The following MANEA variants were observed in gnomAD, a reference collection of about 807,000 sequenced individuals.
MANEA encodes the protein mannosidase endo-alpha, also known as glycoprotein endo-alpha-1,2-mannosidase.
Under a neutral mutation model 36.8 loss-of-function variants are expected in MANEA, and 25 were observed. The observed-to-expected ratio is 0.68, with a 90% CI of 0.50 to 0.95. The LOEUF is 0.95. Ranked by LOEUF, MANEA falls within the 40% of genes least tolerant of loss-of-function variation. The pLI, the probability that MANEA is intolerant of heterozygous loss-of-function variation, is 0.00. For missense variants in MANEA, 565 were observed against 558.8 expected, an observed-to-expected ratio of 1.01 and a Z score of -0.11; for synonymous variants, 198 against 188.5, an observed-to-expected ratio of 1.05 and a Z score of -0.41.
At chr6:95,579,092 C>A (rs560804061) in intron 1 of MANEA, among the ~76,000 whole-genome samples, 3 of 152,278 alleles carry the variant, frequency 2.0e-5, no homozygotes, top group East Asian at 3.9e-4. Flanking sequence ...ATTCTGCGGC[C>A]TGGCGCGGTG....
rs989924588 is a variant in MANEA, at chr6:95,606,535, A to G, written c.*130A>G. The stretch of plus-strand genomic sequence containing the variant: ...GTTATATTTAAAAATATTTTTTTAA[A>G]TTCTTTACAGATAATATTATACTTG... On this transcript the variant is annotated 3_prime_UTR_variant, in exon 5 of 5. Coordinates refer to ENST00000358812, the MANE Select transcript of MANEA (RefSeq NM_024641.4). 4 of 464,664 alleles carry G rather than the reference A, an allele frequency of 8.6e-6. No individual in the cohort carries two copies. The highest frequency in any genetic ancestry group is 8.1e-5 in the African/African-American group (4 of 49,358). 28.8% of individuals were successfully genotyped at this position (464,664 alleles called of 1,614,324 possible). A position where few individuals can be genotyped will look rare whatever the true frequency, so the allele number is the denominator to read the frequency against.
In MANEA at chr6:95,608,739, T is replaced by TG. The variant is rs1243035764; in HGVS notation, c.*2335dup. On this transcript the variant is annotated 3_prime_UTR_variant, in exon 5 of 5. Coordinates refer to ENST00000358812, the MANE Select transcript of MANEA (RefSeq NM_024641.4). ...CCCTATAGATACCAAAATCTGCAGA[T>TG]GCTCAAGTCCCTGATATAAACTGGC... 4 of 151,844 alleles carry TG rather than the reference T, an allele frequency of 2.6e-5. No individual in the cohort carries two copies. Among genetic ancestry groups the TG allele is most frequent in the Non-Finnish European group, 5.9e-5 (4 of 67,782 alleles). The allele number at this position is 151,844 out of a possible 1,614,324, so 9.4% of individuals were successfully genotyped here. A position where few individuals can be genotyped will look rare whatever the true frequency, so the allele number is the denominator to read the frequency against.
chr6:95,598,554 G>GT (rs1486069559), intron 3 of MANEA, among the ~76,000 whole-genome samples: 1 of 152,102 alleles, frequency 6.6e-6, no homozygotes, highest in South Asian at 2.1e-4. Flanking sequence ...CTACAGGGTT[G>GT]TTTTTGTTTG....
At chr6:95,579,539 G>A (rs1047107451) in intron 1 of MANEA, among the ~76,000 whole-genome samples, 2 of 151,792 alleles carry the variant, frequency 1.3e-5, no homozygotes, top group Non-Finnish European at 2.9e-5. Flanking sequence ...ATTTATCTCC[G>A]GTGGCTTCAT....
intron 1 of MANEA, among the ~76,000 whole-genome samples, chr6:95,582,700 A>C (rs567761099): frequency 2.5e-3 from 380 of 152,320 alleles, no homozygotes; most frequent in Non-Finnish European, 3.7e-3. Flanking sequence ...CCATATGGTA[A>C]TATTTTACCA....
At chr6:95,589,119 A>C (rs1212686470) in intron 2 of MANEA, among the ~76,000 whole-genome samples, 4 of 108,432 alleles carry the variant, frequency 3.7e-5, no homozygotes, top group African/African-American at 7.1e-5. Context: ...AAAGTGACAT[A>C]ATCAATTTAT....
Position 95,606,101 on chromosome 6 carries a change from A to T in MANEA, c.1085A>T (p.Asp362Val), listed in dbSNP as rs751457497. 6.2e-7 allele frequency: 1 copy of T among 1,614,064 alleles called. No individual in the cohort carries two copies. Among genetic ancestry groups the T allele is most frequent in the Non-Finnish European group, 8.5e-7 (1 of 1,179,942 alleles). ...CCAAGTGTGGGCCCAGGATACATAG[A>T]TACCAGCATCCGTCCATGGAACACG... Reference protein sequence around the residue: ...FIPSVGPGYIDTSIRPWNTQN... With the variant: ...FIPSVGPGYIVTSIRPWNTQN... The change falls in exon 5 of 5, where the codon GAT (aspartate) becomes GTT (valine). Residue 362 changes from aspartate (D) to valine (V), a missense_variant. Coordinates refer to ENST00000358812, the MANE Select transcript of MANEA (RefSeq NM_024641.4).
intron 3 of MANEA, among the ~76,000 whole-genome samples, chr6:95,603,811 T>C (rs1394023768): frequency 6.6e-6 from 1 of 152,088 alleles, no homozygotes; most frequent in Non-Finnish European, 1.5e-5. Context: ...ATCCTCATTC[T>C]TTGTTTTATG....
In MANEA at chr6:95,577,595, C is replaced by T. The variant is rs761502099; in HGVS notation, c.-82C>T. On this transcript the variant is annotated 5_prime_UTR_variant, in exon 1 of 5. Coordinates refer to ENST00000358812, the MANE Select transcript of MANEA (RefSeq NM_024641.4). ...AGCTCTATGTTCGCGGTCTTAACCTCTCCTCTGGCCGAGTCCTTGCAAGAA... is the reference window on the plus strand; with the variant it reads ...AGCTCTATGTTCGCGGTCTTAACCTTTCCTCTGGCCGAGTCCTTGCAAGAA... 9.2e-5 allele frequency: 14 copies of T among 152,396 alleles called. No individual in the cohort carries two copies. The highest frequency in any genetic ancestry group is 1.9e-4 in the Non-Finnish European group (13 of 68,190). 9.4% of individuals were successfully genotyped at this position (152,396 alleles called of 1,614,324 possible).
chr6:95,596,712 C>T (rs376189830), intron 2 of MANEA, 25 bp from the exon 3 acceptor site: 5 of 1,253,364 alleles, frequency 4.0e-6, no homozygotes, highest in Non-Finnish European at 5.8e-6. Context: ...TGTCTTTTCC[C>T]TTTCTTTTTG....
In MANEA at chr6:95,608,465, A is replaced by C. The variant is rs577751329; in HGVS notation, c.*2060A>C. The stretch of plus-strand genomic sequence containing the variant: ...CTTTTTCCCATTATAGACATGGTGA[A>C]TCCACACAGCATACTTCATCTCTGA... On this transcript the variant is annotated 3_prime_UTR_variant, in exon 5 of 5. Transcript: ENST00000358812. 3 of 151,820 alleles carry C rather than the reference A, an allele frequency of 2.0e-5. No individual in the cohort carries two copies. The highest frequency in any genetic ancestry group is 3.0e-5 in the Non-Finnish European group (2 of 67,788). The allele number at this position is 151,820 out of a possible 1,614,324, so 9.4% of individuals were successfully genotyped here.
In MANEA at chr6:95,586,929, C is replaced by T. The variant is rs1440600041; in HGVS notation, c.490C>T (p.Arg164Trp). The change falls in exon 2 of 5, where the codon CGG becomes TGG. Residue 164 changes from arginine to tryptophan, a missense_variant. Physicochemically the swap from Arg to Trp is moderately radical, Grantham distance 101 (BLOSUM62 -3). Transcript: ENST00000358812. ...TCCTGAATTGGGAAGTTACAGTTCT[C>T]GGGATCCTTCTGTCATAGAAACTCA... is the stretch of plus-strand genomic sequence containing the variant. ...FYPELGSYSS[R>W]DPSVIETHMR... 39 of 1,612,708 alleles carry T rather than the reference C, an allele frequency of 2.4e-5. No homozygotes were observed. Among genetic ancestry groups the T allele is most frequent in the Admixed American group, 2.0e-4 (12 of 59,960 alleles).
intron 2 of MANEA, among the ~76,000 whole-genome samples, chr6:95,593,561 A>G (rs1357972642): frequency 1.3e-5 from 2 of 152,222 alleles, no homozygotes; most frequent in Non-Finnish European, 1.5e-5. Flanking sequence ...TGCCTAAAAC[A>G]GTAGATACAT....
Position 95,605,864 on chromosome 6 carries a change from C to T in MANEA, c.848C>T (p.Thr283Ile). Residue 283 changes from threonine to isoleucine, a missense_variant, in exon 5 of 5, where the codon ACC becomes ATC. Transcript: ENST00000358812. ...TKPEKWANLL[T>I]TSGSRSIRNS... ...CCTGAAAAATGGGCCAATCTGTTAACCACCTCAGGGTCTCGGAGTATTCGC... is the reference window on the plus strand; with the variant it reads ...CCTGAAAAATGGGCCAATCTGTTAATCACCTCAGGGTCTCGGAGTATTCGC... 1 of 1,614,004 alleles carries T rather than the reference C, an allele frequency of 6.2e-7. No homozygotes were observed. The highest frequency in any genetic ancestry group is 8.5e-7 in the Non-Finnish European group (1 of 1,179,962).
rs1268728569 is a variant in MANEA, at chr6:95,586,557, T to G, written c.118T>G (p.Phe40Val). Residue 40 changes from phenylalanine (F) to valine (V), a missense_variant, in exon 2 of 5, where the codon TTT (phenylalanine) becomes GTT (valine). Coordinates refer to ENST00000358812, the MANE Select transcript of MANEA (RefSeq NM_024641.4). ...AAATACAGCTACTTTTGGAGCTCCT[T>G]TTGGACTTGACCTTCTTCCAGAACT... is the stretch of plus-strand genomic sequence containing the variant. ...RPNTATFGAPFGLDLLPELHQ... is the reference protein window; with the variant it reads ...RPNTATFGAPVGLDLLPELHQ... The G allele has an allele frequency of 6.2e-7, 1 of 1,613,952 alleles. No homozygotes were observed. The highest frequency in any genetic ancestry group is 1.7e-5 in the Admixed American group (1 of 60,016).
At chr6:95,584,784 AC>A (rs1284122640) in intron 1 of MANEA, among the ~76,000 whole-genome samples, 3 of 151,882 alleles carry the variant, frequency 2.0e-5, no homozygotes, top group Admixed American at 2.0e-4. Flanking sequence ...ATGTGATGTC[AC>A]CCCCGGTGGC....
chr6:95,587,202 T>A (rs546364374), intron 2 of MANEA: 214 of 470,706 alleles, frequency 4.5e-4, no homozygotes, highest in African/African-American at 4.0e-3. Flanking sequence ...TTTGGAGCAT[T>A]TCTGGATATA....
chr6:95,606,097 A>G lies in MANEA; in HGVS notation c.1081A>G (p.Ile361Val), dbSNP rs1386786293. ...IFIPSVGPGYIDTSIRPWNTQ... is the reference protein window; with the variant it reads ...IFIPSVGPGYVDTSIRPWNTQ... ...TATCCCAAGTGTGGGCCCAGGATAC[A>G]TAGATACCAGCATCCGTCCATGGAA... The change falls in exon 5 of 5, where the codon ATA becomes GTA. Residue 361 changes from isoleucine to valine, a missense_variant. Physicochemically the swap from Ile to Val is conservative, Grantham distance 29 (BLOSUM62 3). Transcript: ENST00000358812. 3.1e-6 allele frequency: 5 copies of G among 1,613,906 alleles called. No individual in the cohort carries two copies. Among genetic ancestry groups the G allele is most frequent in the African/African-American group, 1.3e-5 (1 of 74,894 alleles).
chr6:95,585,666 T>A (rs1562195850), intron 1 of MANEA, among the ~76,000 whole-genome samples: 1 of 152,262 alleles, frequency 6.6e-6, no homozygotes, highest in Non-Finnish European at 1.5e-5. Flanking sequence ...TTATTCTTTT[T>A]TTCTCTACTG....
Sources: allele counts gnomAD v4.1 joint callset (sites outside exome capture counted in the v4.1 genomes callset), GRCh38; gene constraint gnomAD v4.1.1; transcripts MANE v1.5; gene names NCBI Gene and HGNC (gene_info 2026-07-23, HGNC 2026-07-21).